Variants in DNAJC16 observed in about 807,000 individuals in gnomAD.
DNAJC16 encodes the protein DnaJ heat shock protein family (Hsp40) member C16.
Under a neutral mutation model 92.7 loss-of-function variants are expected in DNAJC16, and 76 were observed. That is an observed-to-expected ratio of 0.82 (90% CI 0.68 to 0.99). The LOEUF is 0.99. DNAJC16 is among the 50% of genes least tolerant of loss of function. DNAJC16 has a pLI of 0.00. For missense variants in DNAJC16, 869 were observed against 942.4 expected (o/e 0.92, Z 1.02); for synonymous variants, 328 against 358.7 (o/e 0.91, Z 0.97).
rs1710862113 is a variant in DNAJC16, at chr1:15,539,009, AG to A, written c.574+2201del. On this transcript the variant is annotated intron_variant, in intron 4 of 14. Transcript: ENST00000375847. ...GAAAATTAATGTGTATGTGCAGCTG[AG>A]GGGGGAAAAAACTTCCCTAAAGGGT... 2.0e-5 allele frequency among the ~76,000 whole-genome samples: 3 copies of A among 152,066 alleles called. 1 individual carries two copies. The highest frequency in any genetic ancestry group is 4.1e-4 in the South Asian group (2 of 4,830).
At chr1:15,544,739 C>T (rs187239512) in intron 5 of DNAJC16, among the ~76,000 whole-genome samples, 156 bp downstream of exon 5, 96 of 152,238 alleles carry the variant, frequency 6.3e-4, no homozygotes, top group African/African-American at 2.0e-3. Context: ...CAAACTAAAT[C>T]GTTTAAGTGA....
intron 4 of DNAJC16, among the ~76,000 whole-genome samples, chr1:15,541,802 G>C (rs1044952609): frequency 2.6e-5 from 4 of 152,164 alleles, no homozygotes; most frequent in Middle Eastern, 3.2e-3. Flanking sequence ...TTTATAATAA[G>C]AAATATATGT....
At chr1:15,544,672 C>T in intron 5 of DNAJC16, 89 bp downstream of exon 5, 1 of 1,315,692 alleles carries the variant, frequency 7.6e-7, no homozygotes, top group Non-Finnish European at 1.1e-6. Context: ...CTGTAGTCCT[C>T]TCAAACCTGA....
chr1:15,535,547 T>G (rs1286459880), intron 3 of DNAJC16, among the ~76,000 whole-genome samples: 1 of 152,036 alleles, frequency 6.6e-6, no homozygotes, highest in East Asian at 1.9e-4. Context: ...GCTGAGGAAT[T>G]CAGGACCAGC....
At chr1:15,528,807 C>G (rs1318785337) in intron 1 of DNAJC16, among the ~76,000 whole-genome samples, 1 of 152,158 alleles carries the variant, frequency 6.6e-6, no homozygotes, top group Non-Finnish European at 1.5e-5. Context: ...TTTCTGCATC[C>G]CATTCATTTT....
At chr1:15,527,411 A>ATT (rs1484652123) in intron 1 of DNAJC16, among the ~76,000 whole-genome samples, 1 of 152,140 alleles carries the variant, frequency 6.6e-6, no homozygotes, top group African/African-American at 2.4e-5. Flanking sequence ...ACTAACGACC[A>ATT]TTTGTTGACT....
At chr1:15,539,596 G>T (rs531809938) in intron 4 of DNAJC16, among the ~76,000 whole-genome samples, 1 of 152,018 alleles carries the variant, frequency 6.6e-6, no homozygotes, top group Admixed American at 6.6e-5. Context: ...CCAGGCCAGG[G>T]TGTAATAGCA....
chr1:15,544,476 A>C lies in DNAJC16; in HGVS notation c.652A>C (p.Ile218Leu). The C allele has an allele frequency of 6.2e-7, 1 of 1,614,132 alleles. No individual in the cohort carries two copies. Among genetic ancestry groups the C allele is most frequent in the South Asian group, 1.1e-5 (1 of 91,084 alleles). ...CCTAGGGGCACACAGCACGCCCTCT[A>C]TCCTAGGAATCATTAACGGGAAAAT... The part of the protein sequence containing the change: ...HHLGAHSTPS[I>L]LGIINGKISF... Residue 218 changes from isoleucine (I) to leucine (L), a missense_variant, in exon 5 of 15, where the codon ATC (isoleucine) becomes CTC (leucine). By Grantham distance (5) the Ile-to-Leu change is conservative. Coordinates refer to ENST00000375847, the MANE Select transcript of DNAJC16 (RefSeq NM_015291.4).
chr1:15,547,628 G>A (rs1369588904), intron 6 of DNAJC16, among the ~76,000 whole-genome samples: 1 of 151,890 alleles, frequency 6.6e-6, no homozygotes, highest in East Asian at 1.9e-4. Context: ...TTTTAGTGGA[G>A]ATGGGGTTTC....
chr1:15,536,546 G>A lies in DNAJC16; in HGVS notation c.306G>A (p.Gln102=). The A allele has an allele frequency of 2.5e-6, 4 of 1,614,176 alleles. No homozygotes were observed. The highest frequency in any genetic ancestry group is 3.4e-6 in the Non-Finnish European group (4 of 1,180,032). The change falls in exon 4 of 15, where the codon CAG becomes CAA. Residue 102 remains glutamine, a synonymous_variant. Transcript: ENST00000375847. ...ACGCTGGAGAGAACCAGGGCTACCAGAAGCAGCAACAGCAGCGAGAGTATC... is the reference window on the plus strand; with the variant it reads ...ACGCTGGAGAGAACCAGGGCTACCAAAAGCAGCAACAGCAGCGAGAGTATC... ...YGDAGENQGY[Q]KQQQQREYRF...
In DNAJC16 at chr1:15,563,226, C is replaced by G. The variant is rs532478739; in HGVS notation, c.1339-703C>G. Reference sequence around the variant, plus strand: ...ACTTTTAACAAAAGCTTAGGAAAGTCACCATAAAAGTTATTTCTTAGGCCG... The same window carrying G: ...ACTTTTAACAAAAGCTTAGGAAAGTGACCATAAAAGTTATTTCTTAGGCCG... On this transcript the variant is annotated intron_variant, in intron 9 of 14. Coordinates refer to ENST00000375847, the MANE Select transcript of DNAJC16 (RefSeq NM_015291.4). Among the ~76,000 whole-genome samples, 9 of 152,142 alleles carry G rather than the reference C, an allele frequency of 5.9e-5. No individual in the cohort carries two copies. The East Asian group carries it at 1.7e-3, about 29-fold the overall frequency.
chr1:15,529,309 T>TA, intron 2 of DNAJC16, 37 bp downstream of exon 2: 7 of 1,586,056 alleles, frequency 4.4e-6, no homozygotes, highest in Non-Finnish European at 6.0e-6. Context: ...TAACATAAGC[T>TA]AAACAGTCTT....
chr1:15,534,593 C>T (rs1019084672), intron 3 of DNAJC16, among the ~76,000 whole-genome samples: 4 of 152,116 alleles, frequency 2.6e-5, no homozygotes, highest in Non-Finnish European at 5.9e-5. Flanking sequence ...GGCGTGGTGG[C>T]ACGTGCCTGT....
chr1:15,567,027 G>A (rs968876090), intron 13 of DNAJC16, 72 bp from the exon 14 acceptor site: 2 of 1,419,470 alleles, frequency 1.4e-6, no homozygotes, highest in Admixed American at 1.8e-5. Flanking sequence ...TTTTCTTTCA[G>A]CTGTTTCTTT....
intron 7 of DNAJC16, among the ~76,000 whole-genome samples, chr1:15,550,032 G>C (rs1010266977): frequency 1.3e-5 from 2 of 152,148 alleles, no homozygotes; most frequent in Admixed American, 6.5e-5. Flanking sequence ...CCTACTGGGG[G>C]TCTTGGAACG....
intron 3 of DNAJC16, among the ~76,000 whole-genome samples, chr1:15,535,655 G>A (rs1710761749): frequency 6.6e-6 from 1 of 152,124 alleles, no homozygotes; most frequent in Non-Finnish European, 1.5e-5. Flanking sequence ...GGTTGACCCT[G>A]AGAGATGGAG....
chr1:15,532,547 C>T (rs1032787093), intron 2 of DNAJC16, among the ~76,000 whole-genome samples: 1 of 152,176 alleles, frequency 6.6e-6, no homozygotes, highest in African/African-American at 2.4e-5. Flanking sequence ...GCCCTCAAGA[C>T]TCTCTCTTTG....
At chr1:15,542,246 C>T (rs1158777431) in intron 4 of DNAJC16, 1 of 152,346 alleles carries the variant, frequency 6.6e-6, no homozygotes, top group African/African-American at 2.4e-5. Flanking sequence ...AGGCATCCTC[C>T]CGTATGGGAG....
chr1:15,540,334 A>AT (rs1271492161), intron 4 of DNAJC16, among the ~76,000 whole-genome samples: 2 of 152,198 alleles, frequency 1.3e-5, no homozygotes, highest in African/African-American at 4.8e-5. Flanking sequence ...TCAAAAAAAA[A>AT]AGAAAAGAAA....
Sources: allele counts gnomAD v4.1 joint callset (sites outside exome capture counted in the v4.1 genomes callset), GRCh38; gene constraint gnomAD v4.1.1; transcripts MANE v1.5; gene names NCBI Gene and HGNC (gene_info 2026-07-23, HGNC 2026-07-21).